The following RNF220 variants were observed in gnomAD, a reference collection of about 807,000 sequenced individuals.
RNF220 encodes E3 ubiquitin-protein ligase RNF220.
RNF220 carries 7 observed loss-of-function variants against 67.1 expected under a neutral mutation model. That is an observed-to-expected ratio of 0.10 (90% CI 0.06 to 0.20). The LOEUF (loss-of-function observed/expected upper bound fraction) is 0.20, where lower values mean the gene tolerates loss of function less well. Among genes scored for constraint, RNF220 ranks in the 10% least tolerant of loss-of-function variants. The pLI is 1.00. For missense variants in RNF220, 565 were observed against 740.3 expected (o/e 0.76, Z 2.75); for synonymous variants, 270 against 283.2 (o/e 0.95, Z 0.47).
intron 2 of RNF220, among the ~76,000 whole-genome samples, chr1:44,527,875 G>A (rs1266079590): frequency 2.4e-5 from 3 of 123,514 alleles, no homozygotes; most frequent in South Asian, 2.7e-4. Flanking sequence ...GCAGCGAGCC[G>A]AGATTGCACC....
chr1:44,645,586 C>T lies in RNF220; in HGVS notation c.1445+98C>T. ...GCCTGCTGCCAGGGCTTCTGGCCCT[C>T]CCAAGTGCAGCTCAGTGCTGCTGCC... On this transcript the variant is annotated intron_variant, in intron 12 of 14. Coordinates refer to ENST00000361799, the MANE Select transcript of RNF220 (RefSeq NM_018150.4). This position sits in a 1 kb window ranked among gnomAD's most constrained non-coding sequence, Gnocchi z 5.0. The T allele has an allele frequency of 8.0e-7, 1 of 1,243,482 alleles. No individual in the cohort carries two copies. The highest frequency in any genetic ancestry group is 1.3e-5 in the South Asian group (1 of 76,996). The allele number at this position is 1,243,482 out of a possible 1,614,324, so 77.0% of individuals were successfully genotyped here. A position where few individuals can be genotyped will look rare whatever the true frequency, so the allele number is the denominator to read the frequency against.
chr1:44,439,201 G>C (rs1266206142), intron 2 of RNF220, among the ~76,000 whole-genome samples: 3 of 152,154 alleles, frequency 2.0e-5, no homozygotes, highest in Non-Finnish European at 2.9e-5. Flanking sequence ...TCTTTATGCT[G>C]TTATCAACAC....
intron 2 of RNF220, among the ~76,000 whole-genome samples, chr1:44,553,044 T>C (rs569384555): frequency 1.3e-4 from 20 of 152,314 alleles, no homozygotes; most frequent in African/African-American, 4.8e-4. Context: ...TGTTCCCTTC[T>C]TCTTCTCCCT....
At chr1:44,641,185 A>G (rs567899371) in intron 8 of RNF220, among the ~76,000 whole-genome samples, 4 of 151,930 alleles carry the variant, frequency 2.6e-5, no homozygotes, top group South Asian at 2.1e-4. Context: ...CTGTGAGGAG[A>G]AGGATATTTT....
rs1644764550 is a variant in RNF220, at chr1:44,650,555, A to G, written c.1630-149A>G. 3.9e-6 allele frequency: 3 copies of G among 770,934 alleles called. No homozygotes were observed. Among genetic ancestry groups the G allele is most frequent in the East Asian group, 2.7e-5 (1 of 37,130 alleles). 47.8% of individuals were successfully genotyped at this position (770,934 alleles called of 1,614,324 possible). On this transcript the variant is annotated intron_variant, in intron 14 of 14. Coordinates refer to ENST00000361799, the MANE Select transcript of RNF220 (RefSeq NM_018150.4). This position sits in a 1 kb window ranked among gnomAD's most constrained non-coding sequence, Gnocchi z 4.3. ...CACAGGAGCGTGCCTGCCTGCTCAC[A>G]GAAGCTGCCTATGCGTCCCCAGCCT... is the stretch of plus-strand genomic sequence containing the variant.
intron 8 of RNF220, chr1:44,643,151 G>A (rs1438081863): frequency 1.3e-5 from 2 of 152,352 alleles, no homozygotes; most frequent in Non-Finnish European, 2.9e-5. Flanking sequence ...GTGGATTGCA[G>A]GCTGTGCCTG....
chr1:44,500,019 A>G (rs1228280875), intron 2 of RNF220, among the ~76,000 whole-genome samples: 2 of 151,600 alleles, frequency 1.3e-5, no homozygotes, highest in Non-Finnish European at 2.9e-5. Flanking sequence ...ATGACCCTGG[A>G]CCAAGCCACT....
chr1:44,420,570 A>T (rs1327367612), intron 2 of RNF220, among the ~76,000 whole-genome samples: 1 of 152,172 alleles, frequency 6.6e-6, no homozygotes, highest in African/African-American at 2.4e-5. Context: ...TACCTGTTAG[A>T]GGAATAAAAG....
At chr1:44,609,606 T>TG (rs1667519559) in intron 2 of RNF220, among the ~76,000 whole-genome samples, 1 of 152,172 alleles carries the variant, frequency 6.6e-6, no homozygotes, top group African/African-American at 2.4e-5. Flanking sequence ...CTGTTCCCAA[T>TG]GGTCAACCAT....
intron 2 of RNF220, among the ~76,000 whole-genome samples, chr1:44,510,928 T>C (rs971643388): frequency 6.6e-6 from 1 of 151,984 alleles, no homozygotes; most frequent in Non-Finnish European, 1.5e-5. Context: ...TGAGAAAGGG[T>C]TGTTGCTCCG....
chr1:44,497,777 GAGCACCTACTATACTGCTGCA>G (rs1657474582), intron 2 of RNF220, among the ~76,000 whole-genome samples: 1 of 152,052 alleles, frequency 6.6e-6, no homozygotes, highest in Non-Finnish European at 1.5e-5. Context: ...CCACCTTATT[GAGCACCTACTATACTGCTGCA>G]AGCACCCCTT....
intron 2 of RNF220, among the ~76,000 whole-genome samples, chr1:44,599,751 A>C (rs1666786576): frequency 6.6e-6 from 1 of 152,238 alleles, no homozygotes; most frequent in South Asian, 2.1e-4. Flanking sequence ...CCAGATGAAG[A>C]GCTACATTTT....
chr1:44,504,454 T>C (rs1336577114), intron 2 of RNF220, among the ~76,000 whole-genome samples: 1 of 152,164 alleles, frequency 6.6e-6, no homozygotes, highest in Non-Finnish European at 1.5e-5. Flanking sequence ...CCTGTGCTCA[T>C]ATTCAGAGCA....
At chr1:44,461,753 T>C (rs1653779955) in intron 2 of RNF220, among the ~76,000 whole-genome samples, 1 of 152,166 alleles carries the variant, frequency 6.6e-6, no homozygotes, top group South Asian at 2.1e-4. Flanking sequence ...GAAACAAAGC[T>C]TAAAATGTAT....
intron 12 of RNF220, among the ~76,000 whole-genome samples, chr1:44,647,569 G>A (rs1303165456): frequency 6.6e-6 from 1 of 152,132 alleles, no homozygotes; most frequent in Non-Finnish European, 1.5e-5. Flanking sequence ...AGGGAATCAT[G>A]GACCCTAGGG....
intron 2 of RNF220, among the ~76,000 whole-genome samples, chr1:44,554,212 A>C (rs1662892148): frequency 6.6e-6 from 1 of 151,978 alleles, no homozygotes; most frequent in Non-Finnish European, 1.5e-5. Context: ...GGAGATGAGG[A>C]GGGCTGGGTC....
intron 2 of RNF220, among the ~76,000 whole-genome samples, chr1:44,511,402 G>A (rs1658982831): frequency 6.6e-6 from 1 of 152,140 alleles, no homozygotes; most frequent in Non-Finnish European, 1.5e-5. Context: ...AGGAAAGGTG[G>A]GGGACAGACC....
chr1:44,566,924 T>C (rs1664067287), intron 2 of RNF220, among the ~76,000 whole-genome samples: 1 of 152,226 alleles, frequency 6.6e-6, no homozygotes, highest in African/African-American at 2.4e-5. Flanking sequence ...GGCAGAAAGC[T>C]GAGCCAGCCT....
At chr1:44,507,508 T>C (rs1658539399) in intron 2 of RNF220, among the ~76,000 whole-genome samples, 2 of 151,902 alleles carry the variant, frequency 1.3e-5, no homozygotes, top group African/African-American at 4.8e-5. Flanking sequence ...CTTCTTGGCC[T>C]CGTCAGTCCT....
Sources: gnomAD v4.1 joint callset for allele counts (sites outside exome capture counted in the v4.1 genomes callset) on GRCh38, gnomAD v4.1.1 for gene constraint, Gnocchi (gnomAD v3.1) non-coding constraint, MANE v1.5 for transcripts, NCBI Gene and HGNC (gene_info 2026-07-23, HGNC 2026-07-21) for gene names.